The following PLXDC2 variants were observed in gnomAD, a reference collection of about 807,000 sequenced individuals.
PLXDC2 encodes the protein plexin domain-containing protein 2.
In PLXDC2, 40 loss-of-function variants were observed where a neutral mutation model predicts 68.9. The ratio of observed to expected loss-of-function variants is 0.58; its 90% CI spans 0.45 to 0.76. The LOEUF is 0.76. Ranked by LOEUF, PLXDC2 falls within the 30% of genes least tolerant of loss-of-function variation. The pLI is 0.00. For missense variants in PLXDC2, 644 were observed against 661.9 expected (o/e 0.97, Z 0.30); for synonymous variants, 243 against 234.2 (o/e 1.04, Z -0.34).
chr10:20,126,294 T>C (rs1833776403), intron 4 of PLXDC2, among the ~76,000 whole-genome samples: 2 of 136,620 alleles, frequency 1.5e-5, no homozygotes, highest in South Asian at 4.7e-4. Context: ...CGTTATATAA[T>C]ACATATATAC....
At chr10:20,219,172 G>A in intron 12 of PLXDC2, 70 bp downstream of exon 12, 1 of 1,485,502 alleles carries the variant, frequency 6.7e-7, no homozygotes, top group Non-Finnish European at 9.2e-7. Flanking sequence ...TTTACTATGA[G>A]AAAGGCAATA....
chr10:19,972,260 A>G (rs1834367449), intron 1 of PLXDC2, among the ~76,000 whole-genome samples: 1 of 152,222 alleles, frequency 6.6e-6, no homozygotes, highest in South Asian at 2.1e-4. Context: ...AATTCCGTGT[A>G]GCCATAAAAA....
chr10:20,063,349 A>G (rs2131701439), intron 3 of PLXDC2, among the ~76,000 whole-genome samples: 1 of 152,338 alleles, frequency 6.6e-6, no homozygotes, highest in African/African-American at 2.4e-5. Flanking sequence ...GTATGGCTTT[A>G]TGACGGTAAA....
intron 6 of PLXDC2, among the ~76,000 whole-genome samples, chr10:20,155,648 G>T (rs542816973): frequency 2.0e-5 from 3 of 152,198 alleles, no homozygotes; most frequent in Admixed American, 6.5e-5. Context: ...ACAGCTTCAT[G>T]TGGGATCTAA....
In PLXDC2 at chr10:20,143,335, A is replaced by G; in HGVS notation, c.582A>G (p.Thr194=). 2 of 1,613,198 alleles carry G rather than the reference A, an allele frequency of 1.2e-6. No individual in the cohort carries two copies. The highest frequency in any genetic ancestry group is 1.7e-6 in the Non-Finnish European group (2 of 1,179,298). The change falls in exon 5 of 14, where the codon ACA becomes ACG. Residue 194 remains threonine (T), a synonymous_variant. Transcript: ENST00000377252. ...YTGEVVHRML[T]ATQYIAPLMA... ...GAGAAGTCGTACATCGAATGCTAAC[A>G]GCCACACAGTACATAGCACCTTTAA...
chr10:20,163,073 A>G (rs554896240), intron 6 of PLXDC2, among the ~76,000 whole-genome samples: 9 of 152,218 alleles, frequency 5.9e-5, no homozygotes, highest in South Asian at 2.1e-4. Flanking sequence ...AAAATAAAAA[A>G]TAAAGTATAT....
intron 13 of PLXDC2, among the ~76,000 whole-genome samples, chr10:20,270,017 A>AAAAATAAAAT (rs149243687): frequency 9.5e-4 from 139 of 146,312 alleles, no homozygotes; most frequent in Middle Eastern, 3.5e-3. Flanking sequence ...GGCTCCATCA[A>AAAAATAAAAT]AAAATAAAAT....
chr10:19,878,183 A>T (rs1036826842), intron 1 of PLXDC2, among the ~76,000 whole-genome samples: 3 of 150,620 alleles, frequency 2.0e-5, no homozygotes, highest in East Asian at 1.9e-4. Flanking sequence ...GGCATCACAT[A>T]TTTTTTTTTA....
chr10:19,885,919 C>T (rs994315010), intron 1 of PLXDC2, among the ~76,000 whole-genome samples: 20 of 152,098 alleles, frequency 1.3e-4, no homozygotes, highest in Middle Eastern at 6.8e-3. Flanking sequence ...ATGGGGATGG[C>T]ATTGAATCTA....
At chr10:20,166,530 A>G (rs980533386) in intron 7 of PLXDC2, among the ~76,000 whole-genome samples, 3 of 152,126 alleles carry the variant, frequency 2.0e-5, no homozygotes, top group African/African-American at 7.2e-5. Context: ...CCGTTCTCAC[A>G]TTCTTTCTTT....
At chr10:19,823,668 C>A (rs954979004) in intron 1 of PLXDC2, among the ~76,000 whole-genome samples, 1 of 148,284 alleles carries the variant, frequency 6.7e-6, no homozygotes, top group South Asian at 2.1e-4. Context: ...AAGACTTCAT[C>A]TCAAAAAAAA....
At chr10:20,181,996 C>T (rs1027396822) in intron 9 of PLXDC2, among the ~76,000 whole-genome samples, 1 of 151,066 alleles carries the variant, frequency 6.6e-6, no homozygotes, top group Non-Finnish European at 1.5e-5. Flanking sequence ...ATGATAGTAA[C>T]TTGGACGAGG....
intron 10 of PLXDC2, among the ~76,000 whole-genome samples, chr10:20,215,098 A>T (rs1037133750): frequency 1.3e-5 from 2 of 152,200 alleles, no homozygotes; most frequent in Non-Finnish European, 2.9e-5. Context: ...ATGATCCATA[A>T]GAACCACCCC....
intron 4 of PLXDC2, among the ~76,000 whole-genome samples, chr10:20,085,934 C>T (rs1476747493): frequency 6.6e-6 from 1 of 152,164 alleles, no homozygotes; most frequent in Non-Finnish European, 1.5e-5. Flanking sequence ...CCTACAGCTG[C>T]CTATAAATGG....
chr10:19,925,603 T>C (rs988988456), intron 1 of PLXDC2, among the ~76,000 whole-genome samples: 38 of 152,322 alleles, frequency 2.5e-4, no homozygotes, highest in South Asian at 4.1e-4. Context: ...TTCCTTTCCA[T>C]TTTTTCCTAT....
In PLXDC2 at chr10:20,284,847, T is replaced by C. The variant is rs1309355927; in HGVS notation, c.*5028T>C. 1 of 152,172 alleles carries C rather than the reference T, an allele frequency of 6.6e-6. No homozygotes were observed. Among genetic ancestry groups the C allele is most frequent in the Non-Finnish European group, 1.5e-5 (1 of 68,036 alleles). The allele number at this position is 152,172 out of a possible 1,614,324, so 9.4% of individuals were successfully genotyped here. On this transcript the variant is annotated 3_prime_UTR_variant, in exon 14 of 14. Transcript: ENST00000377252. ...TGACAATCTGCTCTGTTCTGTAATA[T>C]AGAACATTGGATCAATCTTTATCTT...
At chr10:19,997,305 G>A (rs1834859841) in intron 1 of PLXDC2, among the ~76,000 whole-genome samples, 1 of 152,114 alleles carries the variant, frequency 6.6e-6, no homozygotes, top group Non-Finnish European at 1.5e-5. Context: ...AAGACATATG[G>A]CATTCTATCT....
intron 4 of PLXDC2, among the ~76,000 whole-genome samples, chr10:20,110,624 C>T (rs1033751650): frequency 5.3e-5 from 8 of 152,122 alleles, no homozygotes; most frequent in African/African-American, 1.9e-4. Context: ...CCCCCTGGCT[C>T]GGCTCTGAAC....
At chr10:19,887,105 A>G (rs1368105224) in intron 1 of PLXDC2, among the ~76,000 whole-genome samples, 1 of 152,212 alleles carries the variant, frequency 6.6e-6, no homozygotes, top group Non-Finnish European at 1.5e-5. Context: ...TAGTTAGGAT[A>G]TTGGTATGTG....
Sources: allele counts gnomAD v4.1 joint callset (sites outside exome capture counted in the v4.1 genomes callset), GRCh38; gene constraint gnomAD v4.1.1; transcripts MANE v1.5; gene names NCBI Gene and HGNC (gene_info 2026-07-23, HGNC 2026-07-21).